PRDM16: variants seen among roughly 807,000 people sequenced by gnomAD.
PRDM16 encodes PR/SET domain 16.
PRDM16 carries 23 observed loss-of-function variants against 110.6 expected under a neutral mutation model. The observed-to-expected ratio is 0.21, with a 90% CI of 0.15 to 0.29. The LOEUF is 0.29. Ranked by LOEUF, PRDM16 falls within the 10% of genes least tolerant of loss-of-function variation. The pLI is 1.00. For missense variants in PRDM16, 1,615 were observed against 1,794.3 expected (o/e 0.90, Z 1.81); for synonymous variants, 799 against 781.8 (o/e 1.02, Z -0.37).
At chr1:3,093,717 C>T (rs989468154) in intron 1 of PRDM16, among the ~76,000 whole-genome samples, 3 of 152,204 alleles carry the variant, frequency 2.0e-5, no homozygotes, top group Admixed American at 6.5e-5. Flanking sequence ...GGAGGGACCC[C>T]TGCAGCGGAG....
At chr1:3,181,834 TCAGTCTTACACA>T (rs1486649575) in intron 1 of PRDM16, among the ~76,000 whole-genome samples, 4 of 31,968 alleles carry the variant, frequency 1.3e-4, no homozygotes, top group Non-Finnish European at 2.8e-4. Flanking sequence ...TCTTACACAT[TCAGTCTTACACA>T]CGGTCTTACA....
intron 1 of PRDM16, among the ~76,000 whole-genome samples, chr1:3,181,664 A>ACAGTCTTACACGCG (rs1294348204): frequency 4.4e-5 from 5 of 113,944 alleles, no homozygotes; most frequent in Admixed American, 8.8e-5. Context: ...ACGGTCTTAC[A>ACAGTCTTACACGCG]CAGTCTTACA....
At chr1:3,097,126 A>G (rs2817168) in intron 1 of PRDM16, among the ~76,000 whole-genome samples, 86,251 of 152,018 alleles carry the variant, frequency 0.57, 26,102 homozygotes, top group African/African-American at 0.77. Flanking sequence ...GGTGCCGAGA[A>G]GTTGCCCTCG....
At position 3,411,339 on chromosome 1, in the gene PRDM16, C is replaced by T. The variant is rs183789699; in HGVS notation, c.1187-45C>T. 3,981 of 1,563,212 alleles carry T rather than the reference C, an allele frequency of 2.5e-3. 10 individuals carry two copies. The highest frequency in any genetic ancestry group is 6.1e-3 in the Admixed American group (343 of 56,466). On this transcript the variant is annotated intron_variant, in intron 8 of 16. Transcript: ENST00000270722. The stretch of plus-strand genomic sequence containing the variant: ...ATGTGGCGTTTTCAGCAGGGTTTCC[C>T]GGTCATTTCATGCGGGTTTGTCTTG...
intron 1 of PRDM16, among the ~76,000 whole-genome samples, chr1:3,159,308 C>T (rs944611063): frequency 6.6e-6 from 1 of 152,250 alleles, no homozygotes; most frequent in African/African-American, 2.4e-5. Flanking sequence ...CATCACGATG[C>T]GCCTCGCAGA....
At chr1:3,287,758 G>A (rs1482568653) in intron 3 of PRDM16, among the ~76,000 whole-genome samples, 3 of 142,664 alleles carry the variant, frequency 2.1e-5, no homozygotes, top group Admixed American at 6.7e-5. Context: ...CCTGCCATGC[G>A]GGCATCGAGG....
At chr1:3,183,087 G>A (rs1318245510) in intron 1 of PRDM16, among the ~76,000 whole-genome samples, 1 of 152,238 alleles carries the variant, frequency 6.6e-6, no homozygotes, top group African/African-American at 2.4e-5. Context: ...TACCCAGCCT[G>A]CATCTCCAAA....
chr1:3,357,604 C>T (rs923025996), intron 3 of PRDM16, among the ~76,000 whole-genome samples: 1 of 141,582 alleles, frequency 7.1e-6, no homozygotes, highest in African/African-American at 3.2e-5. Flanking sequence ...GGGCAGCCGG[C>T]CCACAGGGCA....
rs1157945112 is a variant in PRDM16, at chr1:3,246,853, T to G, written c.438+2716T>G. 6.6e-6 allele frequency among the ~76,000 whole-genome samples: 1 copy of G among 151,888 alleles called. No homozygotes were observed. The highest frequency in any genetic ancestry group is 2.4e-5 in the African/African-American group (1 of 41,328). On this transcript the variant is annotated intron_variant, in intron 3 of 16. Transcript: ENST00000270722. This position sits in a 1 kb window ranked among gnomAD's most constrained non-coding sequence, Gnocchi z 5.2. ...AGAGACTGAGAGACATGAGCTAAAA[T>G]TCAAAGGCAAAGTCTTCAGACTCGG...
chr1:3,386,213 T>C (rs1388451152), intron 4 of PRDM16, among the ~76,000 whole-genome samples: 1 of 151,512 alleles, frequency 6.6e-6, no homozygotes, highest in Non-Finnish European at 1.5e-5. Flanking sequence ...TGTAATATCT[T>C]GGGGTCATAC....
intron 3 of PRDM16, among the ~76,000 whole-genome samples, chr1:3,329,785 G>T (rs533084950): frequency 2.6e-5 from 4 of 152,322 alleles, no homozygotes; most frequent in Non-Finnish European, 5.9e-5. Flanking sequence ...AGAGGGGCAC[G>T]CCTGGGAGAG....
intron 1 of PRDM16, among the ~76,000 whole-genome samples, chr1:3,139,736 A>G (rs983698572): frequency 1.3e-5 from 2 of 152,240 alleles, no homozygotes; most frequent in African/African-American, 4.8e-5. Flanking sequence ...TCGGAAGCCC[A>G]TGCACCTGAC....
chr1:3,197,435 G>A (rs138080276), intron 2 of PRDM16, among the ~76,000 whole-genome samples: 211 of 152,306 alleles, frequency 1.4e-3, no homozygotes, highest in African/African-American at 4.9e-3. Flanking sequence ...CTAGAGGAGC[G>A]TGCCCCATGA....
At chr1:3,168,882 C>T (rs1288016995) in intron 1 of PRDM16, among the ~76,000 whole-genome samples, 1 of 152,156 alleles carries the variant, frequency 6.6e-6, no homozygotes. Flanking sequence ...TCTGGCCTAC[C>T]GAGCCTACTC....
At chr1:3,422,591 C>T (rs1638470612) in intron 12 of PRDM16, among the ~76,000 whole-genome samples, 1 of 152,228 alleles carries the variant, frequency 6.6e-6, no homozygotes, top group African/African-American at 2.4e-5. Flanking sequence ...CAGGCACCAC[C>T]ATTCCAGTCT....
chr1:3,361,338 C>T (rs542852246), intron 3 of PRDM16, among the ~76,000 whole-genome samples: 1 of 152,178 alleles, frequency 6.6e-6, no homozygotes. Flanking sequence ...CGTCCAGGAC[C>T]CAGAGCCACA....
chr1:3,422,365 A>C (rs952874003), intron 12 of PRDM16, among the ~76,000 whole-genome samples: 1 of 151,782 alleles, frequency 6.6e-6, no homozygotes, highest in Non-Finnish European at 1.5e-5. Flanking sequence ...GCAAGCAGGC[A>C]GACTGGCAGG....
intron 1 of PRDM16, among the ~76,000 whole-genome samples, chr1:3,137,104 A>G (rs1261161460): frequency 6.6e-6 from 1 of 152,146 alleles, no homozygotes; most frequent in Non-Finnish European, 1.5e-5. Context: ...TACACAGTGC[A>G]GGGGGTGGGA....
intron 3 of PRDM16, among the ~76,000 whole-genome samples, chr1:3,295,730 C>T (rs1046238914): frequency 7.2e-5 from 11 of 152,154 alleles, no homozygotes; most frequent in African/African-American, 9.7e-5. Context: ...GGTTTCTGGG[C>T]GATGGGCTCT....
Sources: gnomAD v4.1 joint callset for allele counts (sites outside exome capture counted in the v4.1 genomes callset) on GRCh38, gnomAD v4.1.1 for gene constraint, Gnocchi (gnomAD v3.1) non-coding constraint, MANE v1.5 for transcripts, NCBI Gene and HGNC (gene_info 2026-07-23, HGNC 2026-07-21) for gene names.